The following ADAMTS13 variants were observed in gnomAD, a reference collection of about 807,000 sequenced individuals.
ADAMTS13 encodes the protein ADAM metallopeptidase with thrombospondin type 1 motif 13.
ADAMTS13 carries 110 observed loss-of-function variants against 155.1 expected under a neutral mutation model. The ratio of observed to expected loss-of-function variants is 0.71; its 90% CI spans 0.61 to 0.83. ADAMTS13 has a LOEUF of 0.83. Ranked by LOEUF, ADAMTS13 falls within the 40% of genes least tolerant of loss-of-function variation. The probability of loss-of-function intolerance (pLI) is 0.00; values close to 1 mark genes in which losing one functional copy is unlikely to be tolerated. For missense variants in ADAMTS13, 1,707 were observed against 1,891.7 expected, an observed-to-expected ratio of 0.90 and a Z score of 1.81; for synonymous variants, 758 against 756.4, an observed-to-expected ratio of 1.00 and a Z score of -0.03.
intron 28 of ADAMTS13, among the ~76,000 whole-genome samples, 155 bp downstream of exon 28, chr9:133,458,249 A>T (rs906840590): frequency 6.6e-6 from 1 of 152,214 alleles, no homozygotes; most frequent in Non-Finnish European, 1.5e-5. Context: ...ATATTCACCA[A>T]GAAATGTTTT....
At position 133,426,336 on chromosome 9, in the gene ADAMTS13, T is replaced by C. The variant is rs1554785307; in HGVS notation, c.677T>C (p.Ile226Thr). The C allele has an allele frequency of 6.2e-7, 1 of 1,601,144 alleles. No individual in the cohort carries two copies. The highest frequency in any genetic ancestry group is 1.3e-5 in the African/African-American group (1 of 74,910). Residue 226 changes from isoleucine to threonine, a missense_variant, in exon 6 of 29, where the codon ATT (isoleucine) becomes ACT (threonine). Physicochemically the swap from Ile to Thr is moderately conservative, Grantham distance 89 (BLOSUM62 -1). Around this residue, in one of 3 missense-constraint regions of ADAMTS13, gnomAD observed 733 missense variants for 749.6 expected, o/e 0.98. Coordinates refer to ENST00000355699, the MANE Select transcript of ADAMTS13 (RefSeq NM_139027.6). ...CTGGGAGTCACCATTGCCCATGAGA[T>C]TGGGCACAGGTATGTAGCCCCACCA... The part of the protein sequence containing the change: ...FDLGVTIAHE[I>T]GHSFGLEHDG...
In ADAMTS13 at chr9:133,449,198, T is replaced by G. The variant is rs73550863; in HGVS notation, c.2861+470T>G. 3.7e-3 allele frequency among the ~76,000 whole-genome samples: 566 copies of G among 152,320 alleles called. 4 individuals are homozygous for G. Among genetic ancestry groups the G allele is most frequent in the African/African-American group, 0.013 (548 of 41,574 alleles). On this transcript the variant is annotated intron_variant, in intron 22 of 28. Coordinates refer to ENST00000355699, the MANE Select transcript of ADAMTS13 (RefSeq NM_139027.6). Reference sequence around the variant, plus strand: ...GTACATTGCACAGGATCTGGGATGCTGTGGGTGCACATGGTTGCTGGTGCG... The same window carrying G: ...GTACATTGCACAGGATCTGGGATGCGGTGGGTGCACATGGTTGCTGGTGCG...
chr9:133,456,516 G>A lies in ADAMTS13; in HGVS notation c.3548-27G>A, dbSNP rs1554796038. The A allele has an allele frequency of 6.2e-7, 1 of 1,610,510 alleles. No individual in the cohort carries two copies. ...CTGCTGACCAGGCGTGGGAGTGCTG[G>A]ACCCTCACTGCCCTGCCGCTTCCTA... On this transcript the variant is annotated intron_variant, in intron 26 of 28. Transcript: ENST00000355699. This position sits in a 1 kb window ranked among gnomAD's most constrained non-coding sequence, Gnocchi z 4.4.
In ADAMTS13 at chr9:133,437,906, G is replaced by A. The variant is rs782015641; in HGVS notation, c.1584+9G>A. The A allele has an allele frequency of 1.2e-6, 2 of 1,613,318 alleles. No homozygotes were observed. Among genetic ancestry groups the A allele is most frequent in the Non-Finnish European group, 8.5e-7 (1 of 1,179,918 alleles). On this transcript the variant is annotated intron_variant, in intron 13 of 28. Coordinates refer to ENST00000355699, the MANE Select transcript of ADAMTS13 (RefSeq NM_139027.6). ...TGTCGGGCAGCTGCAGGGTAGGCGT[G>A]TGTGGACATTGGCGATGGCCCTGGG...
At position 133,456,695 on chromosome 9, in the gene ADAMTS13, C is replaced by T; in HGVS notation, c.3700C>T (p.Leu1234Phe). The T allele has an allele frequency of 6.3e-7, 1 of 1,576,274 alleles. No individual in the cohort carries two copies. The highest frequency in any genetic ancestry group is 8.6e-7 in the Non-Finnish European group (1 of 1,160,126). Residue 1234 changes from leucine (L) to phenylalanine (F), a missense_variant, in exon 27 of 29, where the codon CTT becomes TTT. Leu to Phe is a conservative substitution (Grantham distance 22). This residue lies in a region of ADAMTS13 where 961 missense variants were observed against 1,107.9 expected (regional missense o/e 0.87). Transcript: ENST00000355699. The surrounding 1 kb of genome is among the most constrained non-coding windows in gnomAD (Gnocchi z 4.4). The part of the protein sequence containing the change: ...GGVLLRYGSQ[L>F]APETFYRECD... ...GGTGCTGCTGCGGTATGGGAGCCAG[C>T]TTGCTCCTGAAACCTTCTACAGAGG...
chr9:133,440,313 C>T lies in ADAMTS13; in HGVS notation c.1787-31C>T, dbSNP rs782562662. ...TGTGAGGAGGATGGGTGCTCAGCTC[C>T]ACACAGCTAACAGGGCTGGTTCCCC... On this transcript the variant is annotated intron_variant, in intron 15 of 28. Coordinates refer to ENST00000355699, the MANE Select transcript of ADAMTS13 (RefSeq NM_139027.6). The surrounding 1 kb of genome is among the most constrained non-coding windows in gnomAD (Gnocchi z 4.3). The T allele has an allele frequency of 9.3e-6, 15 of 1,613,328 alleles. No individual in the cohort carries two copies. The highest frequency in any genetic ancestry group is 1.1e-5 in the South Asian group (1 of 91,074).
chr9:133,433,246 G>T, intron 9 of ADAMTS13, 132 bp from the exon 10 acceptor site: 1 of 1,230,846 alleles, frequency 8.1e-7, no homozygotes, highest in Non-Finnish European at 1.2e-6. Context: ...GTGTGTGTTT[G>T]GGGGTCGCTG....
chr9:133,424,825 C>A lies in ADAMTS13; in HGVS notation c.330+347C>A, dbSNP rs1297747773. 6.6e-6 allele frequency among the ~76,000 whole-genome samples: 1 copy of A among 152,230 alleles called. No homozygotes were observed. On this transcript the variant is annotated intron_variant, in intron 3 of 28. Transcript: ENST00000355699. This position sits in a 1 kb window ranked among gnomAD's most constrained non-coding sequence, Gnocchi z 4.3. Reference sequence around the variant, plus strand: ...CGGGCTGCTCACACTGCCCTCTGCACCCCGACCCTGCCCTCTCTCCATTCT... The same window carrying A: ...CGGGCTGCTCACACTGCCCTCTGCAACCCGACCCTGCCCTCTCTCCATTCT...
In ADAMTS13 at chr9:133,439,390, C is replaced by T; in HGVS notation, c.1730C>T (p.Thr577Ile). The T allele has an allele frequency of 6.2e-7, 1 of 1,613,852 alleles. No homozygotes were observed. Among genetic ancestry groups the T allele is most frequent in the South Asian group, 1.1e-5 (1 of 91,088 alleles). Residue 577 changes from threonine (T) to isoleucine (I), a missense_variant, in exon 15 of 29, where the codon ACC becomes ATC. This residue lies in a region of ADAMTS13 where 961 missense variants were observed against 1,107.9 expected (regional missense o/e 0.87). Transcript: ENST00000355699. Reference protein sequence around the residue: ...AREYVTFLTVTPNLTSVYIAN... With the variant: ...AREYVTFLTVIPNLTSVYIAN... ...GAATATGTCACGTTTCTGACAGTTA[C>T]CCCCAACCTGACCAGTGTCTACATT...
Position 133,437,749 on chromosome 9 carries a change from G to A in ADAMTS13, c.1436G>A (p.Gly479Glu), listed in dbSNP as rs1841348248. 6.2e-7 allele frequency: 1 copy of A among 1,613,700 alleles called. No homozygotes were observed. The highest frequency in any genetic ancestry group is 1.3e-5 in the African/African-American group (1 of 74,912). The change falls in exon 13 of 29, where the codon GGG becomes GAG. Residue 479 changes from glycine to glutamate, a missense_variant and splice_region_variant. By Grantham distance (98) the Gly-to-Glu change is moderately conservative. Around this residue, in one of 3 missense-constraint regions of ADAMTS13, gnomAD observed 733 missense variants for 749.6 expected, o/e 0.98. Coordinates refer to ENST00000355699, the MANE Select transcript of ADAMTS13 (RefSeq NM_139027.6). Reference protein sequence around the residue: ...HWGAAVPHSQGDALCRHMCRA... With the variant: ...HWGAAVPHSQEDALCRHMCRA... ...ACCCTTTTTCACTCTGCCCTCCCAG[G>A]GGATGCTCTGTGCAGACACATGTGC...
intron 1 of ADAMTS13, 40 bp downstream of exon 1, chr9:133,422,588 C>T (rs782526053): frequency 1.9e-6 from 3 of 1,605,828 alleles, no homozygotes; most frequent in South Asian, 2.2e-5. Flanking sequence ...CTGGGAGCCT[C>T]TGGGTGGGGT....
At position 133,445,059 on chromosome 9, in the gene ADAMTS13, G is replaced by A. The variant is rs782101267; in HGVS notation, c.2610+7G>A. ...TCCTCCAGGCTGGGGCCATGTGAGT[G>A]CCCTGGGCATGAGGGTGGCTGGGGC... is the stretch of plus-strand genomic sequence containing the variant. On this transcript the variant is annotated splice_region_variant and intron_variant, in intron 20 of 28. Coordinates refer to ENST00000355699, the MANE Select transcript of ADAMTS13 (RefSeq NM_139027.6). The surrounding 1 kb of genome is among the most constrained non-coding windows in gnomAD (Gnocchi z 5.0). The A allele has an allele frequency of 3.7e-6, 6 of 1,611,996 alleles. No homozygotes were observed. Among genetic ancestry groups the A allele is most frequent in the Non-Finnish European group, 5.1e-6 (6 of 1,179,716 alleles).
At chr9:133,457,869 CG>C in intron 27 of ADAMTS13, 40 bp from the exon 28 acceptor site, 1 of 1,612,398 alleles carries the variant, frequency 6.2e-7, no homozygotes, top group Non-Finnish European at 8.5e-7. Context: ...CTGGCACCAC[CG>C]GTCTGTCTGG....
At chr9:133,439,325 C>A in intron 14 of ADAMTS13, 41 bp from the exon 15 acceptor site, 1 of 1,439,166 alleles carries the variant, frequency 6.9e-7, no homozygotes, top group Non-Finnish European at 9.8e-7. Context: ...GGTGTGGTGG[C>A]TGTGAGGTCC....
chr9:133,452,454 C>T (rs1554794605), intron 23 of ADAMTS13, among the ~76,000 whole-genome samples: 3 of 152,154 alleles, frequency 2.0e-5, no homozygotes, highest in Admixed American at 6.6e-5. Context: ...ACATCTGTGT[C>T]ACTAGTGTGT....
intron 22 of ADAMTS13, among the ~76,000 whole-genome samples, chr9:133,449,312 GTCC>G (rs1842279584): frequency 6.6e-6 from 1 of 151,990 alleles, no homozygotes; most frequent in Non-Finnish European, 1.5e-5. Context: ...GCAGACAAAT[GTCC>G]CTGACCTCCT....
At chr9:133,438,453 A>G in intron 14 of ADAMTS13, 87 bp downstream of exon 14, 3 of 1,574,224 alleles carry the variant, frequency 1.9e-6, no homozygotes, top group South Asian at 2.3e-5. Context: ...GGGGCTGCTC[A>G]GGTCACAGGG....
intron 8 of ADAMTS13, among the ~76,000 whole-genome samples, chr9:133,431,060 G>A (rs1554787314): frequency 6.6e-6 from 1 of 151,438 alleles, no homozygotes; most frequent in Non-Finnish European, 1.5e-5. Flanking sequence ...CAACTTCTTG[G>A]GCACAAACGA....
chr9:133,422,934 C>CTT (rs71281254), intron 1 of ADAMTS13, among the ~76,000 whole-genome samples, 167 bp from the exon 2 acceptor site: 1,393 of 93,186 alleles, frequency 0.015, 36 homozygotes, highest in Non-Finnish European at 0.027. Flanking sequence ...CTCTCTCTCT[C>CTT]TTTTTTTTTT....
Sources: allele counts gnomAD v4.1 joint callset (sites outside exome capture counted in the v4.1 genomes callset), GRCh38; gene constraint gnomAD v4.1.1; regional missense constraint gnomAD v4.1.1; non-coding constraint Gnocchi (gnomAD v3.1); transcripts MANE v1.5; gene names NCBI Gene and HGNC (gene_info 2026-07-23, HGNC 2026-07-21).